MTPN: variants seen among roughly 807,000 people sequenced by gnomAD.
MTPN encodes the protein granule cell differentiation protein.
In MTPN, 2 loss-of-function variants were observed where a neutral mutation model predicts 13.5. The ratio of observed to expected loss-of-function variants is 0.15; its 90% CI spans 0.06 to 0.47. The LOEUF is 0.47. Ranked by LOEUF, MTPN falls within the 20% of genes least tolerant of loss-of-function variation. MTPN has a pLI of 0.97. For missense variants in MTPN, 79 were observed against 137.9 expected (o/e 0.57, Z 2.14); for synonymous variants, 46 against 51.7 (o/e 0.89, Z 0.48).
intron 1 of MTPN, among the ~76,000 whole-genome samples, chr7:135,966,659 GA>G (rs779165533): frequency 2.0e-5 from 3 of 152,238 alleles, no homozygotes; most frequent in East Asian, 3.9e-4. Flanking sequence ...GCTGTTTTTG[GA>G]AAGTGGTGTT....
At chr7:135,976,897 T>A in intron 1 of MTPN, 132 bp downstream of exon 1, 2 of 862,982 alleles carry the variant, frequency 2.3e-6, no homozygotes, top group South Asian at 1.5e-5. Context: ...CCTCTCTCCT[T>A]GGTGCCGCCT....
chr7:135,951,677 T>G (rs1044759467), intron 1 of MTPN, 47 bp from the exon 2 acceptor site: 2 of 1,297,628 alleles, frequency 1.5e-6, no homozygotes, highest in African/African-American at 1.5e-5. Flanking sequence ...AATGGAAGAC[T>G]GAAGAAGTGA....
intron 1 of MTPN, among the ~76,000 whole-genome samples, chr7:135,976,150 G>A (rs540242495): frequency 1.8e-4 from 27 of 152,318 alleles, no homozygotes; most frequent in African/African-American, 5.1e-4. Context: ...GTTTCAGGAT[G>A]GAAAGACAGG....
At chr7:135,944,915 G>T (rs1213254906) in intron 3 of MTPN, among the ~76,000 whole-genome samples, 1 of 152,130 alleles carries the variant, frequency 6.6e-6, no homozygotes, top group Non-Finnish European at 1.5e-5. Context: ...TTTCATCATT[G>T]TGTGAACATC....
rs1484818093 is a variant in MTPN at position 135,952,727 on chromosome 7, C to CA, written c.73-1098dup. Among the ~76,000 whole-genome samples the CA allele has an allele frequency of 3.9e-5, 6 of 152,180 alleles. No individual in the cohort carries two copies. In the East Asian group the frequency reaches 1.2e-3, roughly 29 times the overall value. On this transcript the variant is annotated intron_variant, in intron 1 of 3. Coordinates refer to ENST00000393085, the MANE Select transcript of MTPN (RefSeq NM_145808.4). ...CTGTAATCCCAGCACTTTGGGAGGC[C>CA]AAGACTGGTACATCACTTGAGCCTA...
intron 3 of MTPN, among the ~76,000 whole-genome samples, chr7:135,934,074 T>C (rs1799073858): frequency 6.6e-6 from 1 of 152,058 alleles, no homozygotes; most frequent in South Asian, 2.1e-4. Flanking sequence ...GAACTGTGAG[T>C]GAATTAAACC....
At chr7:135,976,927 T>TCCCCCCCCCCCCCCTC in intron 1 of MTPN, 102 bp downstream of exon 1, 1 of 410,736 alleles carries the variant, frequency 2.4e-6, no homozygotes, top group Non-Finnish European at 5.1e-6. Context: ...AAGTCTCTCC[T>TCCCCCCCCCCCCCCTC]CCCGCCCACC....
intron 2 of MTPN, 62 bp downstream of exon 2, chr7:135,951,455 A>G: frequency 1.1e-6 from 1 of 918,086 alleles, no homozygotes; most frequent in Non-Finnish European, 1.6e-6. Context: ...ATCTATAGAA[A>G]ACAATTACCC....
At position 135,928,694 on chromosome 7, in the gene MTPN, A is replaced by G. The variant is rs968378865; in HGVS notation, c.*1232T>C. ...TATGTGTAAATATTTTCTGCAGGTCATAAGAACACCATTTTAGGGCACTGT... is the reference window on the plus strand; with the variant it reads ...TATGTGTAAATATTTTCTGCAGGTCGTAAGAACACCATTTTAGGGCACTGT... On this transcript the variant is annotated 3_prime_UTR_variant, in exon 4 of 4. Transcript: ENST00000393085. 5.4e-5 allele frequency: 9 copies of G among 167,058 alleles called. No homozygotes were observed. Among genetic ancestry groups the G allele is most frequent in the African/African-American group, 1.2e-4 (5 of 41,470 alleles). 10.3% of individuals were successfully genotyped at this position (167,058 alleles called of 1,614,324 possible).
chr7:135,946,785 GCTGC>G (rs1799294764), intron 3 of MTPN, among the ~76,000 whole-genome samples: 1 of 152,068 alleles, frequency 6.6e-6, no homozygotes, highest in Non-Finnish European at 1.5e-5. Flanking sequence ...GATTATACAG[GCTGC>G]CTATTATTGC....
chr7:135,949,323 C>T (rs1159609566), intron 3 of MTPN, among the ~76,000 whole-genome samples: 2 of 152,102 alleles, frequency 1.3e-5, no homozygotes, highest in Non-Finnish European at 2.9e-5. Flanking sequence ...GTAATCCTTT[C>T]GCAGATCTTG....
intron 1 of MTPN, among the ~76,000 whole-genome samples, chr7:135,964,827 T>A (rs146253617): frequency 0.011 from 1,628 of 152,210 alleles, 37 homozygotes; most frequent in African/African-American, 0.037. Flanking sequence ...ATTATACATT[T>A]TAATTTTTTT....
intron 1 of MTPN, among the ~76,000 whole-genome samples, chr7:135,976,549 G>A (rs1291797080): frequency 6.6e-6 from 1 of 152,016 alleles, no homozygotes; most frequent in Admixed American, 6.6e-5. Context: ...CTCTTTTCAC[G>A]GTCAATGAAT....
chr7:135,957,204 C>T (rs1053185372), intron 1 of MTPN, among the ~76,000 whole-genome samples: 1 of 152,094 alleles, frequency 6.6e-6, no homozygotes, highest in Non-Finnish European at 1.5e-5. Flanking sequence ...ATATACATAA[C>T]ATACATATGA....
chr7:135,962,235 CAATTA>C (rs1480801880), intron 1 of MTPN, among the ~76,000 whole-genome samples: 1 of 151,186 alleles, frequency 6.6e-6, no homozygotes, highest in Non-Finnish European at 1.5e-5. Flanking sequence ...TAATCTAATG[CAATTA>C]ATTAGATTAG....
chr7:135,930,084 T>C (rs1215982968), intron 3 of MTPN, 72 bp from the exon 4 acceptor site: 1 of 1,289,694 alleles, frequency 7.8e-7, no homozygotes, highest in Non-Finnish European at 1.1e-6. Flanking sequence ...CTAGCTCACA[T>C]GGCACAGGTT....
Position 135,976,963 on chromosome 7 carries a change from C to T in MTPN, c.72+66G>A, listed in dbSNP as rs1799784603. On this transcript the variant is annotated intron_variant, in intron 1 of 3. Transcript: ENST00000393085. Reference sequence around the variant, plus strand: ...CCCATCCCCGCAGTCCAGCTCCCATCAGCTTCCTCAGCCTCATCTCCAGCC... The same window carrying T: ...CCCATCCCCGCAGTCCAGCTCCCATTAGCTTCCTCAGCCTCATCTCCAGCC... The T allele has an allele frequency of 4.2e-6, 3 of 720,906 alleles. No homozygotes were observed. In the Admixed American group the frequency reaches 5.9e-5, roughly 14 times the overall value. 44.7% of individuals were successfully genotyped at this position (720,906 alleles called of 1,614,324 possible).
chr7:135,952,024 T>C (rs1038782508), intron 1 of MTPN, among the ~76,000 whole-genome samples: 11 of 152,230 alleles, frequency 7.2e-5, no homozygotes, highest in Non-Finnish European at 1.5e-4. Context: ...ATTCCCACTT[T>C]GATGTAGGCA....
intron 1 of MTPN, chr7:135,960,602 A>T (rs996292581): frequency 6.6e-6 from 1 of 152,034 alleles, no homozygotes; most frequent in Non-Finnish European, 1.5e-5. Flanking sequence ...ATATATTGAA[A>T]ATTCTTTCCT....
Sources: allele counts gnomAD v4.1 joint callset (sites outside exome capture counted in the v4.1 genomes callset), GRCh38; gene constraint gnomAD v4.1.1; transcripts MANE v1.5; gene names NCBI Gene and HGNC (gene_info 2026-07-23, HGNC 2026-07-21).